The following EDIL3 variants were observed in gnomAD, a reference collection of about 807,000 sequenced individuals.
The protein encoded by EDIL3 is EGF-like repeat and discoidin I-like domain-containing protein 3.
Under a neutral mutation model 67.4 loss-of-function variants are expected in EDIL3, and 37 were observed. The ratio of observed to expected loss-of-function variants is 0.55; its 90% CI spans 0.42 to 0.72. The LOEUF (loss-of-function observed/expected upper bound fraction) is 0.72, where lower values mean the gene tolerates loss of function less well. Ranked by LOEUF, EDIL3 falls within the 30% of genes least tolerant of loss-of-function variation. The pLI is 0.00. For missense variants in EDIL3, 527 were observed against 586.3 expected, an observed-to-expected ratio of 0.90 and a Z score of 1.04; for synonymous variants, 195 against 196.3, an observed-to-expected ratio of 0.99 and a Z score of 0.05.
At chr5:84,219,055 A>T (rs1374388137) in intron 3 of EDIL3, among the ~76,000 whole-genome samples, 1 of 152,228 alleles carries the variant, frequency 6.6e-6, no homozygotes, top group East Asian at 1.9e-4. Flanking sequence ...AGTGAGATCC[A>T]GTGCTGTGCT....
chr5:84,254,130 A>T lies in EDIL3; in HGVS notation c.150T>A (p.Cys50Ter). The T allele has an allele frequency of 6.2e-7, 1 of 1,613,184 alleles. No homozygotes were observed. The highest frequency in any genetic ancestry group is 8.5e-7 in the Non-Finnish European group (1 of 1,179,506). ...GLADGSFSCE[C>*]PDGFTDPNCS... Reference sequence around the variant, plus strand: ...AGTTGGGGTCTGTGAAGCCATCTGGACACTCACAGGAAAAGGAACCATCAG... The same window carrying T: ...AGTTGGGGTCTGTGAAGCCATCTGGTCACTCACAGGAAAAGGAACCATCAG... The change falls in exon 2 of 11, where the codon TGT (cysteine) becomes TGA (stop). Residue 50 changes from cysteine to a stop codon, truncating the protein, a stop_gained. Transcript: ENST00000296591. LOFTEE classifies it high-confidence loss of function.
chr5:84,041,696 AC>A (rs1746128215), intron 9 of EDIL3, among the ~76,000 whole-genome samples: 1 of 125,002 alleles, frequency 8.0e-6, no homozygotes, highest in African/African-American at 3.5e-5. Context: ...GTATATCTCT[AC>A]CTATATATAT....
intron 10 of EDIL3, among the ~76,000 whole-genome samples, chr5:83,947,839 A>G (rs1006691300): frequency 6.6e-6 from 1 of 151,898 alleles, no homozygotes; most frequent in African/African-American, 2.4e-5. Context: ...AATAATTGAC[A>G]CAAACCTCTC....
At chr5:84,087,191 T>C (rs192727452) in intron 6 of EDIL3, among the ~76,000 whole-genome samples, 1 of 152,374 alleles carries the variant, frequency 6.6e-6, no homozygotes, top group Admixed American at 6.5e-5. Context: ...TGTTGAATTA[T>C]TGAGAACATG....
chr5:84,033,898 CAGTT>C (rs1473314449), intron 9 of EDIL3, among the ~76,000 whole-genome samples: 3 of 151,856 alleles, frequency 2.0e-5, no homozygotes, highest in African/African-American at 7.3e-5. Context: ...TTTAATATGA[CAGTT>C]AGACAACAAA....
intron 2 of EDIL3, among the ~76,000 whole-genome samples, chr5:84,242,144 A>G (rs1744808379): frequency 6.6e-6 from 1 of 151,724 alleles, no homozygotes; most frequent in Non-Finnish European, 1.5e-5. Context: ...AGGCAGGAGA[A>G]TGGCGTGAAC....
chr5:84,151,295 A>ACC (rs1554070413), intron 4 of EDIL3, among the ~76,000 whole-genome samples: 50 of 150,540 alleles, frequency 3.3e-4, no homozygotes, highest in African/African-American at 1.2e-3. Flanking sequence ...ACACACACAC[A>ACC]CCCCGACACT....
At position 84,132,438 on chromosome 5, in the gene EDIL3, T is replaced by C. The variant is rs1370244557; in HGVS notation, c.469+4803A>G. The stretch of plus-strand genomic sequence containing the variant: ...TATATTATATATTTTATATATAATA[T>C]ATATTTTAACATATATTATGTATTT... On this transcript the variant is annotated intron_variant, in intron 5 of 10. Transcript: ENST00000296591. 5.8e-5 allele frequency among the ~76,000 whole-genome samples: 6 copies of C among 103,172 alleles called. No individual in the cohort carries two copies. The Admixed American group carries it at 7.6e-4, about 13-fold the overall frequency. The allele number at this position is 103,172 out of a possible 152,430, so 67.7% of individuals were successfully genotyped here.
chr5:84,019,541 A>G (rs1745672317), intron 9 of EDIL3, among the ~76,000 whole-genome samples: 1 of 152,102 alleles, frequency 6.6e-6, no homozygotes, highest in South Asian at 2.1e-4. Context: ...CTTAAAGTAT[A>G]ATAAAAATAA....
At chr5:84,175,483 G>A (rs1367420172) in intron 4 of EDIL3, among the ~76,000 whole-genome samples, 6 of 152,096 alleles carry the variant, frequency 3.9e-5, no homozygotes, top group South Asian at 2.1e-4. Flanking sequence ...GTCCTGAAAC[G>A]CCTCATCTGA....
intron 9 of EDIL3, among the ~76,000 whole-genome samples, chr5:83,992,057 GA>G (rs1188718233): frequency 6.6e-6 from 1 of 152,162 alleles, no homozygotes; most frequent in Non-Finnish European, 1.5e-5. Flanking sequence ...TGGTATTCAA[GA>G]ATGCCTTAGT....
intron 1 of EDIL3, among the ~76,000 whole-genome samples, chr5:84,275,185 A>G (rs1745553905): frequency 6.6e-6 from 1 of 152,172 alleles, no homozygotes; most frequent in African/African-American, 2.4e-5. Context: ...CTCCATAGTT[A>G]TTCTTCTGTT....
chr5:84,381,996 T>A (rs1748085943), intron 1 of EDIL3, among the ~76,000 whole-genome samples: 1 of 152,164 alleles, frequency 6.6e-6, no homozygotes, highest in African/African-American at 2.4e-5. Context: ...CAAGGAAAAT[T>A]CTGTGTTAGC....
chr5:84,356,093 T>C (rs545179410), intron 1 of EDIL3, among the ~76,000 whole-genome samples: 7 of 152,334 alleles, frequency 4.6e-5, no homozygotes, highest in Admixed American at 3.3e-4. Context: ...TGAAATTATA[T>C]AGGCACCTTT....
chr5:84,241,318 A>C (rs1251731380), intron 2 of EDIL3, among the ~76,000 whole-genome samples: 1 of 152,196 alleles, frequency 6.6e-6, no homozygotes, highest in African/African-American at 2.4e-5. Context: ...TTTATGCAAA[A>C]CCACAAAAAG....
chr5:84,157,884 TAAAAC>T (rs893605310), intron 4 of EDIL3, among the ~76,000 whole-genome samples: 2 of 151,978 alleles, frequency 1.3e-5, no homozygotes, highest in Non-Finnish European at 2.9e-5. Context: ...AGAAAGAAAA[TAAAAC>T]ACAACTTCAG....
intron 4 of EDIL3, among the ~76,000 whole-genome samples, chr5:84,174,498 A>G (rs1436188097): frequency 6.6e-6 from 1 of 152,136 alleles, no homozygotes; most frequent in Non-Finnish European, 1.5e-5. Context: ...TGCATTAATG[A>G]TATGCTGGTT....
intron 1 of EDIL3, among the ~76,000 whole-genome samples, chr5:84,304,442 CA>C (rs1321753140): frequency 6.6e-6 from 1 of 152,094 alleles, no homozygotes; most frequent in African/African-American, 2.4e-5. Flanking sequence ...CACGACGGAC[CA>C]CAAAATGGTG....
chr5:84,109,163 T>A (rs1346933452), intron 5 of EDIL3, among the ~76,000 whole-genome samples: 2 of 152,100 alleles, frequency 1.3e-5, no homozygotes, highest in Non-Finnish European at 2.9e-5. Context: ...TGCCATAAGG[T>A]TCCAAATCTT....
Sources: gnomAD v4.1 joint callset for allele counts (sites outside exome capture counted in the v4.1 genomes callset) on GRCh38, gnomAD v4.1.1 for gene constraint, MANE v1.5 for transcripts, NCBI Gene and HGNC (gene_info 2026-07-23, HGNC 2026-07-21) for gene names.